MCTP1: variants seen among roughly 807,000 people sequenced by gnomAD.
MCTP1 encodes multiple C2 and transmembrane domain containing 1.
In MCTP1, 69 loss-of-function variants were observed where a neutral mutation model predicts 120.6. The ratio of observed to expected loss-of-function variants is 0.57; its 90% CI spans 0.47 to 0.70. MCTP1 has a LOEUF of 0.70. MCTP1 is among the 30% of genes least tolerant of loss of function. The probability of loss-of-function intolerance (pLI) is 0.00; values close to 1 mark genes in which losing one functional copy is unlikely to be tolerated. For missense variants in MCTP1, 1,203 were observed against 1,248.8 expected, an observed-to-expected ratio of 0.96 and a Z score of 0.55; for synonymous variants, 529 against 493.1, an observed-to-expected ratio of 1.07 and a Z score of -0.96.
chr5:94,996,727 A>T (rs1034797006), intron 2 of MCTP1, among the ~76,000 whole-genome samples: 1 of 152,300 alleles, frequency 6.6e-6, no homozygotes, highest in East Asian at 1.9e-4. Context: ...GGTTGAATCC[A>T]TGGACATGGG....
intron 1 of MCTP1, among the ~76,000 whole-genome samples, chr5:95,060,940 CAA>C (rs34418928): frequency 4.3e-3 from 502 of 116,986 alleles, no homozygotes; most frequent in African/African-American, 0.014. Context: ...TGCCACTCCA[CAA>C]AAAAAAAAAA....
chr5:95,055,581 G>T (rs1172210077), intron 1 of MCTP1, among the ~76,000 whole-genome samples: 1 of 152,186 alleles, frequency 6.6e-6, no homozygotes, highest in Non-Finnish European at 1.5e-5. Context: ...TTGTGCTTCA[G>T]CTCAGACAAT....
At chr5:94,734,649 A>G (rs1162100254) in intron 19 of MCTP1, among the ~76,000 whole-genome samples, 2 of 152,150 alleles carry the variant, frequency 1.3e-5, no homozygotes, top group African/African-American at 4.8e-5. Context: ...GAGAGATAGG[A>G]TCTCACTATT....
At chr5:95,120,326 C>T (rs1439010909) in intron 1 of MCTP1, among the ~76,000 whole-genome samples, 1 of 151,994 alleles carries the variant, frequency 6.6e-6, no homozygotes, top group East Asian at 1.9e-4. Context: ...CTTCCAAAGT[C>T]ATTATGCAAG....
At chr5:95,155,748 G>C (rs1483607017) in intron 1 of MCTP1, among the ~76,000 whole-genome samples, 1 of 152,090 alleles carries the variant, frequency 6.6e-6, no homozygotes, top group Non-Finnish European at 1.5e-5. Flanking sequence ...ATTCTAAGAG[G>C]GCCCCTAGGA....
At chr5:94,916,610 T>C (rs1001020447) in intron 8 of MCTP1, among the ~76,000 whole-genome samples, 2 of 152,200 alleles carry the variant, frequency 1.3e-5, no homozygotes, top group Admixed American at 6.5e-5. Context: ...AAAAAGAAAC[T>C]TTGCAAACTA....
intron 19 of MCTP1, among the ~76,000 whole-genome samples, chr5:94,715,539 C>T (rs1758890774): frequency 6.6e-6 from 1 of 151,914 alleles, no homozygotes; most frequent in South Asian, 2.1e-4. Flanking sequence ...CATTTTTTCC[C>T]CTTTTGGTGC....
intron 1 of MCTP1, among the ~76,000 whole-genome samples, chr5:95,041,328 A>AG (rs1183227621): frequency 6.6e-6 from 1 of 150,556 alleles, no homozygotes; most frequent in Non-Finnish European, 1.5e-5. Context: ...AAAAAAAAAA[A>AG]AAAGAAAAAA....
Position 94,901,197 on chromosome 5 carries a change from G to A in MCTP1, c.1653-6362C>T, listed in dbSNP as rs148626580. Among the ~76,000 whole-genome samples, 663 of 152,304 alleles carry A rather than the reference G, an allele frequency of 4.4e-3. 15 individuals carry two copies. Among genetic ancestry groups the A allele is most frequent in the Admixed American group, 0.035 (529 of 15,298 alleles). The stretch of plus-strand genomic sequence containing the variant: ...TGGCAGAAGGCGAATGAGGAGCAAA[G>A]TTATGCCTTCTAAGGTGGCAGGCAA... On this transcript the variant is annotated intron_variant, in intron 10 of 22. Coordinates refer to ENST00000515393, the MANE Select transcript of MCTP1 (RefSeq NM_024717.7).
intron 19 of MCTP1, among the ~76,000 whole-genome samples, chr5:94,749,475 C>T (rs765066926): frequency 1.2e-4 from 18 of 151,768 alleles, no homozygotes; most frequent in Admixed American, 7.9e-4. Context: ...GCCAACATGG[C>T]GAAACCCTGT....
At chr5:94,866,851 C>T (rs528546024) in intron 17 of MCTP1, among the ~76,000 whole-genome samples, 3 of 61,052 alleles carry the variant, frequency 4.9e-5, no homozygotes, top group South Asian at 6.9e-4. Context: ...TGAAGACTTA[C>T]ACAATACACG....
intron 1 of MCTP1, among the ~76,000 whole-genome samples, chr5:95,071,482 T>C (rs1249092040): frequency 6.6e-6 from 1 of 152,228 alleles, no homozygotes; most frequent in Non-Finnish European, 1.5e-5. Context: ...AGCCTATAAA[T>C]ATAAGTTAAC....
At chr5:94,780,061 CTG>C (rs1776244829) in intron 18 of MCTP1, among the ~76,000 whole-genome samples, 1 of 152,024 alleles carries the variant, frequency 6.6e-6, no homozygotes, top group South Asian at 2.1e-4. Flanking sequence ...GTTTAAAAAA[CTG>C]TGGGAGAAGT....
rs1754016803 is a variant in MCTP1, at chr5:94,704,058, A to G, written c.*3438T>C. 6.6e-6 allele frequency: 1 copy of G among 151,462 alleles called. No individual in the cohort carries two copies. The allele number at this position is 151,462 out of a possible 1,614,324, so 9.4% of individuals were successfully genotyped here. ...ACCAATCATCCCAGGAAAAAGAATTATAATTGAAAGGAATGACACTATTGT... is the reference window on the plus strand; with the variant it reads ...ACCAATCATCCCAGGAAAAAGAATTGTAATTGAAAGGAATGACACTATTGT... On this transcript the variant is annotated 3_prime_UTR_variant, in exon 23 of 23. Transcript: ENST00000515393.
intron 6 of MCTP1, chr5:94,929,592 G>A (rs911266064): frequency 2.8e-5 from 24 of 857,310 alleles, no homozygotes; most frequent in Non-Finnish European, 3.1e-5. Context: ...CAGTAACATA[G>A]TAAAATCTAT....
intron 1 of MCTP1, among the ~76,000 whole-genome samples, chr5:95,215,650 T>G (rs905941830): frequency 1.3e-5 from 2 of 152,188 alleles, no homozygotes; most frequent in Non-Finnish European, 2.9e-5. Context: ...TTCTGCTTTT[T>G]TTCTCTCCTT....
intron 1 of MCTP1, among the ~76,000 whole-genome samples, chr5:95,169,661 A>G (rs1359563350): frequency 6.6e-6 from 1 of 152,074 alleles, no homozygotes; most frequent in African/African-American, 2.4e-5. Context: ...CATTTTTTCT[A>G]GATTTTCGAG....
At chr5:94,861,697 A>C (rs1795818557) in intron 17 of MCTP1, among the ~76,000 whole-genome samples, 1 of 151,832 alleles carries the variant, frequency 6.6e-6, no homozygotes, top group Non-Finnish European at 1.5e-5. Context: ...CACAATTGCA[A>C]AGTAGAAAAT....
At chr5:94,777,310 G>A (rs187143274) in intron 19 of MCTP1, among the ~76,000 whole-genome samples, 5 of 152,276 alleles carry the variant, frequency 3.3e-5, no homozygotes, top group Admixed American at 3.3e-4. Flanking sequence ...GAGATTTGGT[G>A]TTGTTTCCCC....
Sources: gnomAD v4.1 joint callset for allele counts (sites outside exome capture counted in the v4.1 genomes callset) on GRCh38, gnomAD v4.1.1 for gene constraint, MANE v1.5 for transcripts, NCBI Gene and HGNC (gene_info 2026-07-23, HGNC 2026-07-21) for gene names.